The following ATP8A2 variants were observed in gnomAD, a reference collection of about 807,000 sequenced individuals.
ATP8A2 encodes the protein ATPase phospholipid transporting 8A2.
In ATP8A2, 100 loss-of-function variants were observed where a neutral mutation model predicts 165.6. That is an observed-to-expected ratio of 0.60 (90% CI 0.51 to 0.71). The LOEUF (loss-of-function observed/expected upper bound fraction) is 0.71. Among genes scored for constraint, ATP8A2 ranks in the 30% least tolerant of loss-of-function variants. ATP8A2 has a pLI of 0.00. For missense variants in ATP8A2, 1,227 were observed against 1,479.5 expected (o/e 0.83, Z 2.80); for synonymous variants, 543 against 548.8 (o/e 0.99, Z 0.15).
chr13:25,433,266 T>C (rs116218170), intron 1 of ATP8A2, among the ~76,000 whole-genome samples: 3,745 of 152,138 alleles, frequency 0.025, 162 homozygotes, highest in African/African-American at 0.085. Context: ...CTGTTTTTCT[T>C]TTCCTTTTGT....
At chr13:25,598,867 G>A (rs980693685) in intron 24 of ATP8A2, among the ~76,000 whole-genome samples, 1 of 151,968 alleles carries the variant, frequency 6.6e-6, no homozygotes, top group Non-Finnish European at 1.5e-5. Context: ...TTGTGTTTTG[G>A]CAGGCAGTTA....
rs1278680915 is a variant in ATP8A2 at position 25,607,730 on chromosome 13, G to A, written c.2211+18031G>A. Among the ~76,000 whole-genome samples, 7 of 152,330 alleles carry A rather than the reference G, an allele frequency of 4.6e-5. No individual in the cohort carries two copies. In the East Asian group the frequency reaches 1.3e-3, roughly 29 times the overall value. On this transcript the variant is annotated intron_variant, in intron 24 of 36. Transcript: ENST00000381655. ...AAAATGTTAACAAGCATTTTTGGGA[G>A]AATTGGATCTATGGCTAATTTGAGA...
chr13:25,456,966 A>G (rs538146169), intron 1 of ATP8A2, among the ~76,000 whole-genome samples: 5 of 152,368 alleles, frequency 3.3e-5, no homozygotes, highest in African/African-American at 9.6e-5. Context: ...CACTAACGGC[A>G]GCTGATGAGC....
chr13:25,578,757 T>C (rs1433025849), intron 20 of ATP8A2, 58 bp from the exon 21 acceptor site: 2 of 966,320 alleles, frequency 2.1e-6, no homozygotes, highest in Non-Finnish European at 3.4e-6. Flanking sequence ...ATGCTTAGTA[T>C]GCTGGCTGGA....
At chr13:25,732,983 G>A (rs2043685073) in intron 25 of ATP8A2, among the ~76,000 whole-genome samples, 1 of 152,120 alleles carries the variant, frequency 6.6e-6, no homozygotes, top group Admixed American at 6.6e-5. Flanking sequence ...TTATATCTCA[G>A]TGGTGTAATT....
intron 1 of ATP8A2, among the ~76,000 whole-genome samples, chr13:25,444,180 T>C (rs1784712771): frequency 6.6e-6 from 1 of 152,218 alleles, no homozygotes; most frequent in African/African-American, 2.4e-5. Flanking sequence ...ATAAATGGAA[T>C]TGTACAGTAT....
chr13:25,927,499 G>T (rs893470465), intron 33 of ATP8A2, among the ~76,000 whole-genome samples: 1 of 152,138 alleles, frequency 6.6e-6, no homozygotes, highest in Non-Finnish European at 1.5e-5. Flanking sequence ...AGCAGAGTCC[G>T]AAAAGAAATA....
chr13:25,501,977 T>A (rs1428022926), intron 2 of ATP8A2, among the ~76,000 whole-genome samples: 1 of 152,154 alleles, frequency 6.6e-6, no homozygotes, highest in Non-Finnish European at 1.5e-5. Flanking sequence ...TGGAAGCAAA[T>A]GTTGAACCCT....
intron 2 of ATP8A2, among the ~76,000 whole-genome samples, chr13:25,493,017 A>C (rs529720327): frequency 6.6e-6 from 1 of 152,282 alleles, no homozygotes; most frequent in South Asian, 2.1e-4. Flanking sequence ...ATTTGTTTAG[A>C]CATTTTAATT....
chr13:25,642,547 C>T (rs1260802318), intron 24 of ATP8A2, among the ~76,000 whole-genome samples: 1 of 152,150 alleles, frequency 6.6e-6, no homozygotes, highest in African/African-American at 2.4e-5. Context: ...AATGAGATAC[C>T]ATCTCACACC....
rs147705562 is a variant in ATP8A2 at position 25,870,022 on chromosome 13, T to C, written c.3183+7614T>C. ...GTGGGCTTGGAGAATGAGTGCAAGG[T>C]GTTATTGAGTGGAAGTATCTCTCAG... On this transcript the variant is annotated intron_variant, in intron 33 of 36. Transcript: ENST00000381655. Among the ~76,000 whole-genome samples the C allele has an allele frequency of 3.4e-3, 518 of 152,138 alleles. 1 individual carries two copies. Among genetic ancestry groups the C allele is most frequent in the African/African-American group, 0.011 (469 of 41,502 alleles).
chr13:25,988,850 C>T (rs969116986), intron 35 of ATP8A2, among the ~76,000 whole-genome samples: 8 of 152,368 alleles, frequency 5.3e-5, no homozygotes, highest in African/African-American at 1.9e-4. Context: ...AGGCTGAGAT[C>T]TGGAGATTGT....
chr13:26,001,986 C>G (rs1336473882), intron 35 of ATP8A2, among the ~76,000 whole-genome samples: 3 of 152,150 alleles, frequency 2.0e-5, no homozygotes, highest in Non-Finnish European at 2.9e-5. Flanking sequence ...TGTTCTAGCT[C>G]TTATATTTAT....
chr13:25,924,402 G>A lies in ATP8A2; in HGVS notation c.3184-37173G>A, dbSNP rs530049659. Reference sequence around the variant, plus strand: ...GTCTCTCCTAACTTCTGTTTTTTTGGCAATCTTCTGCATTCCTTGGCTTAT... The same window carrying A: ...GTCTCTCCTAACTTCTGTTTTTTTGACAATCTTCTGCATTCCTTGGCTTAT... On this transcript the variant is annotated intron_variant, in intron 33 of 36. Transcript: ENST00000381655. 5.9e-5 allele frequency among the ~76,000 whole-genome samples: 9 copies of A among 152,016 alleles called. No individual in the cohort carries two copies. In the South Asian group the frequency reaches 1.9e-3, roughly 32 times the overall value.
rs139583598 is a variant in ATP8A2, at chr13:25,666,327, A to G, written c.2212-32846A>G. Among the ~76,000 whole-genome samples, 320 of 152,136 alleles carry G rather than the reference A, an allele frequency of 2.1e-3. 3 individuals are homozygous for G. The highest frequency in any genetic ancestry group is 6.5e-3 in the African/African-American group (271 of 41,502). On this transcript the variant is annotated intron_variant, in intron 24 of 36. Transcript: ENST00000381655. Reference sequence around the variant, plus strand: ...CCAGTTCAAGTGATTCTTCTGCCTCAGCCTCCCAAGTAGCTGGGACTACAG... The same window carrying G: ...CCAGTTCAAGTGATTCTTCTGCCTCGGCCTCCCAAGTAGCTGGGACTACAG...
intron 2 of ATP8A2, among the ~76,000 whole-genome samples, chr13:25,480,466 A>C: frequency 8.1e-6 from 1 of 123,160 alleles, no homozygotes; most frequent in African/African-American, 3.2e-5. Context: ...GACGCTCCTC[A>C]CCTCCCAGAC....
At position 25,751,047 on chromosome 13, in the gene ATP8A2, A is replaced by G. The variant is rs55915739; in HGVS notation, c.2385-17999A>G. ...TGCGTCTTTGGTGGACAAAAGCTCC[A>G]TTTTCCTGATAAAATTTAGCTTACT... On this transcript the variant is annotated intron_variant, in intron 25 of 36. Transcript: ENST00000381655. Among the ~76,000 whole-genome samples the G allele has an allele frequency of 3.8e-3, 586 of 152,284 alleles. 3 individuals are homozygous for G. Among genetic ancestry groups the G allele is most frequent in the South Asian group, 6.8e-3 (33 of 4,830 alleles).
chr13:25,451,902 TG>T (rs1360007634), intron 1 of ATP8A2, among the ~76,000 whole-genome samples: 1 of 151,298 alleles, frequency 6.6e-6, no homozygotes, highest in African/African-American at 2.4e-5. Flanking sequence ...TTGCCCAGGC[TG>T]GAGTGCAGTG....
In ATP8A2 at chr13:25,639,302, A is replaced by C. The variant is rs372303238; in HGVS notation, c.2211+49603A>C. Among the ~76,000 whole-genome samples the C allele has an allele frequency of 1.6e-4, 24 of 152,322 alleles. 1 individual carries two copies. In the South Asian group the frequency reaches 5.0e-3, roughly 32 times the overall value. ...TGAATGCTCCAATTAAAAGGCACAG[A>C]CTGGCAAATTGGATTAAGAGTGAAG... On this transcript the variant is annotated intron_variant, in intron 24 of 36. Transcript: ENST00000381655.
Sources: gnomAD v4.1 joint callset for allele counts (sites outside exome capture counted in the v4.1 genomes callset) on GRCh38, gnomAD v4.1.1 for gene constraint, MANE v1.5 for transcripts, NCBI Gene and HGNC (gene_info 2026-07-23, HGNC 2026-07-21) for gene names.